C1orf105: variants seen among roughly 807,000 people sequenced by gnomAD.
The protein encoded by C1orf105 is chromosome 1 open reading frame 105.
In C1orf105, 17 loss-of-function variants were observed where a neutral mutation model predicts 20.8. The observed-to-expected ratio is 0.82, with a 90% CI of 0.56 to 1.23. The LOEUF (loss-of-function observed/expected upper bound fraction) is 1.23. Among genes scored for constraint, C1orf105 ranks in the 50% most tolerant of loss-of-function variants. C1orf105 has a pLI of 0.00. For synonymous variants in C1orf105, 72 were observed against 72.1 expected, an observed-to-expected ratio of 1.00 and a Z score of 0.01; for missense variants, 219 against 213.5, an observed-to-expected ratio of 1.03 and a Z score of -0.16.
At chr1:172,441,708 T>A in intron 1 of C1orf105, 2 of 1,518,872 alleles carry the variant, frequency 1.3e-6, no homozygotes, top group Non-Finnish European at 1.8e-6. Context: ...CTTGCTTTAA[T>A]AATGTAATGG....
chr1:172,435,885 A>T (rs1312158666), intron 1 of C1orf105, among the ~76,000 whole-genome samples: 1 of 152,258 alleles, frequency 6.6e-6, no homozygotes, highest in African/African-American at 2.4e-5. Flanking sequence ...GCTGATAAGC[A>T]ACTTCAGCAA....
chr1:172,462,512 A>G (rs1304084414), intron 5 of C1orf105, among the ~76,000 whole-genome samples: 1 of 152,224 alleles, frequency 6.6e-6, no homozygotes, highest in African/African-American at 2.4e-5. Context: ...AGAATAGGAA[A>G]TTTCTTTGAT....
chr1:172,450,846 AAC>A (rs1648549847), intron 3 of C1orf105, among the ~76,000 whole-genome samples: 1 of 152,234 alleles, frequency 6.6e-6, no homozygotes, highest in African/African-American at 2.4e-5. Flanking sequence ...GCAAGATAGA[AAC>A]ACACACACAG....
intron 4 of C1orf105, 90 bp downstream of exon 4, chr1:172,456,579 CGG>C: frequency 3.1e-6 from 4 of 1,294,504 alleles, no homozygotes; most frequent in Non-Finnish European, 4.4e-6. Flanking sequence ...GAGATAGTGA[CGG>C]GGCCCGTTGC....
At chr1:172,457,267 C>T (rs1389350653) in intron 4 of C1orf105, among the ~76,000 whole-genome samples, 1 of 152,096 alleles carries the variant, frequency 6.6e-6, no homozygotes, top group Non-Finnish European at 1.5e-5. Context: ...GTTTGAGGTA[C>T]GAGCTGGAGA....
At chr1:172,431,037 T>G (rs1221203245) in intron 1 of C1orf105, 3 of 634,700 alleles carry the variant, frequency 4.7e-6, no homozygotes, top group Non-Finnish European at 8.5e-6. Context: ...TTCCCTGTCT[T>G]TCTTCCTCTT....
chr1:172,445,253 T>C (rs1296707157), intron 2 of C1orf105, 95 bp downstream of exon 2: 17 of 974,434 alleles, frequency 1.7e-5, no homozygotes, highest in Non-Finnish European at 2.5e-5. Flanking sequence ...AGAGGGCACA[T>C]TTGATCCATT....
At chr1:172,422,122 A>T (rs952604242) in intron 1 of C1orf105, among the ~76,000 whole-genome samples, 10 of 151,354 alleles carry the variant, frequency 6.6e-5, no homozygotes, top group Non-Finnish European at 1.3e-4. Flanking sequence ...TGGACTGGGG[A>T]GCGCACGATC....
chr1:172,420,863 C>T lies in C1orf105; in HGVS notation c.-23C>T. ...TCCCCAGTCTCCAGCTAGAAAAACT[C>T]AGAACATCTAAAGATCTGAAAGATG... On this transcript the variant is annotated 5_prime_UTR_variant, in exon 1 of 7. Coordinates refer to ENST00000367727, the MANE Select transcript of C1orf105 (RefSeq NM_139240.4). The T allele has an allele frequency of 6.2e-7, 1 of 1,611,226 alleles. No individual in the cohort carries two copies.
chr1:172,454,200 C>A (rs954125401), intron 3 of C1orf105, among the ~76,000 whole-genome samples: 2 of 152,094 alleles, frequency 1.3e-5, no homozygotes, highest in South Asian at 4.1e-4. Context: ...TCCATATCTG[C>A]CTCCCCTTGT....
At chr1:172,441,578 C>G in intron 1 of C1orf105, 1 of 661,960 alleles carries the variant, frequency 1.5e-6, no homozygotes, top group South Asian at 3.3e-5. Context: ...CCCTCACCAC[C>G]CAAGCCTTTG....
At chr1:172,442,115 C>G (rs764691155) in intron 1 of C1orf105, 4 of 1,614,180 alleles carry the variant, frequency 2.5e-6, no homozygotes, top group Non-Finnish European at 3.4e-6. Context: ...ACAATGGCAG[C>G]ATTGGCACCA....
Position 172,465,306 on chromosome 1 carries a change from C to T in C1orf105, c.349C>T (p.Leu117Phe). The T allele has an allele frequency of 6.2e-7, 1 of 1,612,300 alleles. No homozygotes were observed. Among genetic ancestry groups the T allele is most frequent in the South Asian group, 1.1e-5 (1 of 91,014 alleles). ...FENCMSYRMS[L>F]HQPKFQTTPE... ...CTTGTTTCTTCCAATCAGAATGAGT[C>T]TTCATCAACCCAAATTCCAGACTAC... The change falls in exon 6 of 7, where the codon CTT (leucine) becomes TTT (phenylalanine). Residue 117 changes from leucine (L) to phenylalanine (F), a missense_variant. Leu to Phe is a conservative substitution (Grantham distance 22). Transcript: ENST00000367727.
chr1:172,445,186 G>T (rs1035593214), intron 2 of C1orf105, 28 bp downstream of exon 2: 25 of 1,548,298 alleles, frequency 1.6e-5, no homozygotes, highest in Non-Finnish European at 2.2e-5. Context: ...GAGGGCAAAA[G>T]TTTTACGAAA....
In C1orf105 at chr1:172,438,497, G is replaced by A. The variant is rs765690487; in HGVS notation, c.22-6576G>A. Among the ~76,000 whole-genome samples, 13 of 152,214 alleles carry A rather than the reference G, an allele frequency of 8.5e-5. 1 individual carries two copies. The highest frequency in any genetic ancestry group is 1.5e-4 in the Non-Finnish European group (10 of 68,034). ...AGAAGTGGTGTGTAAAGATGTGACT[G>A]AATTGCTACAATCATATGATAGAAC... On this transcript the variant is annotated intron_variant, in intron 1 of 6. Transcript: ENST00000367727.
chr1:172,444,155 C>T (rs895409372), intron 1 of C1orf105: 2 of 987,700 alleles, frequency 2.0e-6, no homozygotes, highest in Non-Finnish European at 1.2e-6. Flanking sequence ...CTGCTGCCCC[C>T]TCCTGGCTGC....
intron 1 of C1orf105, among the ~76,000 whole-genome samples, chr1:172,431,974 G>A (rs1370161556): frequency 6.6e-6 from 1 of 152,240 alleles, no homozygotes; most frequent in East Asian, 1.9e-4. Context: ...ATGCCCATGG[G>A]GCCTTGCTCA....
chr1:172,457,781 C>A (rs994456631), intron 4 of C1orf105, among the ~76,000 whole-genome samples: 7 of 152,224 alleles, frequency 4.6e-5, no homozygotes, highest in Non-Finnish European at 8.8e-5. Context: ...GAAGTGGAGC[C>A]ACATGCTGCA....
intron 1 of C1orf105, chr1:172,428,847 T>C (rs1260292312): frequency 1.4e-6 from 1 of 694,518 alleles, no homozygotes. Context: ...ACTCAAAAAA[T>C]ATTTATTGAC....
Sources: gnomAD v4.1 joint callset for allele counts (sites outside exome capture counted in the v4.1 genomes callset) on GRCh38, gnomAD v4.1.1 for gene constraint, MANE v1.5 for transcripts, NCBI Gene and HGNC (gene_info 2026-07-23, HGNC 2026-07-21) for gene names.